MARK3: variants seen among roughly 807,000 people sequenced by gnomAD.
MARK3 encodes microtubule affinity regulating kinase 3.
Under a neutral mutation model 90.1 loss-of-function variants are expected in MARK3, and 46 were observed. That is an observed-to-expected ratio of 0.51 (90% CI 0.40 to 0.65). MARK3 has a LOEUF of 0.65. Ranked by LOEUF, MARK3 falls within the 30% of genes least tolerant of loss-of-function variation. The probability of loss-of-function intolerance (pLI) is 0.00; values close to 1 mark genes in which losing one functional copy is unlikely to be tolerated. For missense variants in MARK3, 818 were observed against 947.2 expected (o/e 0.86, Z 1.79); for synonymous variants, 321 against 332.6 (o/e 0.97, Z 0.38).
At position 103,503,171 on chromosome 14, in the gene MARK3, A is replaced by T. The variant is rs760693719; in HGVS notation, c.2206A>T (p.Thr736Ser). Residue 736 changes from threonine (T) to serine (S), a missense_variant, in exon 18 of 18, where the codon ACA (threonine) becomes TCA (serine). Coordinates refer to ENST00000429436, the MANE Select transcript of MARK3 (RefSeq NM_001128918.3). ...NGVRFKRISG[T>S]SIAFKNIASK... Reference sequence around the variant, plus strand: ...GGTCCGGTTTAAGCGGATATCGGGGACATCCATAGCCTTCAAAAATATTGC... The same window carrying T: ...GGTCCGGTTTAAGCGGATATCGGGGTCATCCATAGCCTTCAAAAATATTGC... The T allele has an allele frequency of 3.7e-6, 6 of 1,614,034 alleles. No individual in the cohort carries two copies. Among genetic ancestry groups the T allele is most frequent in the Non-Finnish European group, 5.1e-6 (6 of 1,179,990 alleles).
At chr14:103,407,159 C>T (rs768977243) in intron 2 of MARK3, among the ~76,000 whole-genome samples, 3 of 152,148 alleles carry the variant, frequency 2.0e-5, no homozygotes, top group Non-Finnish European at 4.4e-5. Context: ...TTTCCCATTA[C>T]TTTAAACGTT....
chr14:103,470,455 A>ATTTTTTTTTTTTTCT, intron 12 of MARK3, among the ~76,000 whole-genome samples: 1 of 55,050 alleles, frequency 1.8e-5, no homozygotes, highest in Non-Finnish European at 3.4e-5. Flanking sequence ...AACTAAATCT[A>ATTTTTTTTTTTTTCT]TTTTTTTTTT....
intron 5 of MARK3, among the ~76,000 whole-genome samples, chr14:103,452,822 G>C (rs982440698): frequency 6.6e-6 from 1 of 152,268 alleles, no homozygotes; most frequent in Admixed American, 6.5e-5. Context: ...TGTCCTCAAG[G>C]TTCATCCATG....
intron 2 of MARK3, among the ~76,000 whole-genome samples, chr14:103,420,828 A>G (rs549976387): frequency 6.6e-6 from 1 of 152,320 alleles, no homozygotes; most frequent in Admixed American, 6.5e-5. Flanking sequence ...AGGTTCAACA[A>G]GGGGACACTT....
intron 1 of MARK3, among the ~76,000 whole-genome samples, chr14:103,391,394 G>A (rs1212032093): frequency 1.3e-5 from 2 of 152,004 alleles, no homozygotes; most frequent in Non-Finnish European, 2.9e-5. Flanking sequence ...GATAAAGCCT[G>A]TTTTAAGAAA....
intron 13 of MARK3, among the ~76,000 whole-genome samples, chr14:103,479,935 C>T (rs1164727997): frequency 1.3e-5 from 2 of 152,064 alleles, no homozygotes; most frequent in African/African-American, 4.8e-5. Flanking sequence ...CTACCGCGCC[C>T]AGCCGTTGTA....
intron 15 of MARK3, among the ~76,000 whole-genome samples, chr14:103,496,155 T>G (rs1233786215): frequency 6.6e-6 from 1 of 152,250 alleles, no homozygotes; most frequent in Non-Finnish European, 1.5e-5. Context: ...TGATCCATGT[T>G]GCCATGGGCA....
intron 1 of MARK3, among the ~76,000 whole-genome samples, chr14:103,391,767 A>G (rs1595424757): frequency 3.1e-5 from 4 of 131,042 alleles, no homozygotes; most frequent in African/African-American, 1.2e-4. Flanking sequence ...CATGTTGGCC[A>G]GGCTGTTCTC....
At chr14:103,491,658 A>G in intron 14 of MARK3, 119 bp from the exon 15 acceptor site, 1 of 1,075,936 alleles carries the variant, frequency 9.3e-7, no homozygotes, top group Middle Eastern at 2.4e-4. Context: ...GTCCTATAAA[A>G]TACCCCTTGG....
chr14:103,434,314 G>C (rs759353165), intron 3 of MARK3, among the ~76,000 whole-genome samples: 2 of 152,186 alleles, frequency 1.3e-5, no homozygotes, highest in Admixed American at 6.5e-5. Context: ...GTCATGAACT[G>C]CACAGATTCC....
At position 103,480,408 on chromosome 14, in the gene MARK3, A is replaced by C. The variant is rs1024348080; in HGVS notation, c.1504A>C (p.Met502Leu). The C allele has an allele frequency of 2.5e-6, 4 of 1,612,682 alleles. No homozygotes were observed. In the Admixed American group the frequency reaches 6.7e-5, roughly 27 times the overall value. Reference protein sequence around the residue: ...VPSSNTASGGMTRRNTYVCSE... With the variant: ...VPSSNTASGGLTRRNTYVCSE... ...ATAGAGTAACACAGCATCTGGTGGA[A>C]TGACACGACGAAATACTTATGTTTG... The change falls in exon 14 of 18, where the codon ATG (methionine) becomes CTG (leucine). Residue 502 changes from methionine (M) to leucine (L), a missense_variant. By Grantham distance (15) the Met-to-Leu change is conservative. Coordinates refer to ENST00000429436, the MANE Select transcript of MARK3 (RefSeq NM_001128918.3).
intron 2 of MARK3, among the ~76,000 whole-genome samples, chr14:103,425,882 TC>T (rs2092387631): frequency 6.6e-6 from 1 of 152,216 alleles, no homozygotes; most frequent in Non-Finnish European, 1.5e-5. Context: ...AGTGATTTTT[TC>T]TGTAGCTCCT....
chr14:103,445,313 T>G (rs1179612715), intron 3 of MARK3, among the ~76,000 whole-genome samples: 1 of 152,228 alleles, frequency 6.6e-6, no homozygotes, highest in Non-Finnish European at 1.5e-5. Context: ...AGCATCTGGC[T>G]CTATGCGTCA....
chr14:103,465,955 T>A lies in MARK3; in HGVS notation c.778-17T>A. On this transcript the variant is annotated splice_polypyrimidine_tract_variant and intron_variant, in intron 8 of 17. Transcript: ENST00000429436. ...AGGTTGACTTACTCGTTTTCTTTCC[T>A]CTGTACCTCTCCAAAGGAACTGAGA... 1 of 1,608,580 alleles carries A rather than the reference T, an allele frequency of 6.2e-7. No homozygotes were observed. The highest frequency in any genetic ancestry group is 8.5e-7 in the Non-Finnish European group (1 of 1,178,310).
At chr14:103,400,943 T>TTGTGTGTGTG (rs61635275) in intron 1 of MARK3, among the ~76,000 whole-genome samples, 2,700 of 123,510 alleles carry the variant, frequency 0.022, 59 homozygotes, top group African/African-American at 0.037. Flanking sequence ...ATATAACATT[T>TTGTGTGTGTG]TGTGTGTGTG....
At chr14:103,423,697 G>C (rs768311016) in intron 2 of MARK3, among the ~76,000 whole-genome samples, 8 of 152,218 alleles carry the variant, frequency 5.3e-5, no homozygotes, top group Non-Finnish European at 8.8e-5. Context: ...TCCCAGCGGG[G>C]AGCTAGGAGG....
chr14:103,444,511 G>C (rs1180552281), intron 3 of MARK3, among the ~76,000 whole-genome samples: 1 of 152,216 alleles, frequency 6.6e-6, no homozygotes, highest in East Asian at 1.9e-4. Context: ...GGGCGCGGTG[G>C]CTCACGCCTG....
At chr14:103,442,741 T>C (rs1205176238) in intron 3 of MARK3, among the ~76,000 whole-genome samples, 1 of 152,196 alleles carries the variant, frequency 6.6e-6, no homozygotes, top group Non-Finnish European at 1.5e-5. Context: ...TGCTTTTTGG[T>C]GCTCCGGGAA....
intron 2 of MARK3, among the ~76,000 whole-genome samples, chr14:103,411,360 G>A (rs1566791769): frequency 2.0e-5 from 3 of 152,194 alleles, no homozygotes; most frequent in Admixed American, 2.0e-4. Flanking sequence ...TTTAATTCAT[G>A]TGGTATGTAT....
Sources: gnomAD v4.1 joint callset for allele counts (sites outside exome capture counted in the v4.1 genomes callset) on GRCh38, gnomAD v4.1.1 for gene constraint, MANE v1.5 for transcripts, NCBI Gene and HGNC (gene_info 2026-07-23, HGNC 2026-07-21) for gene names.